EPM2A: variants seen among roughly 807,000 people sequenced by gnomAD.
EPM2A encodes EPM2A glucan phosphatase, laforin, also known as laforin.
A neutral mutation model predicts 26.5 loss-of-function variants in EPM2A; 21 were observed. The ratio of observed to expected loss-of-function variants is 0.79; its 90% CI spans 0.56 to 1.14. The LOEUF is 1.14. EPM2A is among the 50% of genes most tolerant of loss of function. The pLI is 0.00. For missense variants in EPM2A, 458 were observed against 440.8 expected (o/e 1.04, Z -0.35); for synonymous variants, 217 against 177.6 (o/e 1.22, Z -1.76).
At chr6:145,725,983 G>C (rs1776186283) in intron 1 of EPM2A, among the ~76,000 whole-genome samples, 1 of 151,878 alleles carries the variant, frequency 6.6e-6, no homozygotes, top group African/African-American at 2.4e-5. Flanking sequence ...TATCCCAGAA[G>C]GAAGAGGCAC....
At chr6:145,491,170 A>C in intron 4 of EPM2A, 1 of 508,002 alleles carries the variant, frequency 2.0e-6, no homozygotes, top group Non-Finnish European at 3.8e-6. Context: ...CCTGACTTCA[A>C]GGGCTTTCAT....
In EPM2A at chr6:145,464,650, T is replaced by C. The variant is rs1020316336; in HGVS notation, c.555+37872A>G. Among the ~76,000 whole-genome samples, 76 of 152,186 alleles carry C rather than the reference T, an allele frequency of 5.0e-4. 1 individual carries two copies. The highest frequency in any genetic ancestry group is 7.3e-5 in the Non-Finnish European group (5 of 68,030). ...AATTTATGGTCCCTATGAATTGTGG[T>C]AAATAATCTTTTGACAGTTACATGT... is the stretch of plus-strand genomic sequence containing the variant. On this transcript the variant is annotated intron_variant, in intron 4 of 4. Coordinates refer to the EPM2A transcript ENST00000638717.
At chr6:145,533,305 T>C (rs1290457713) in intron 2 of EPM2A, among the ~76,000 whole-genome samples, 1 of 152,144 alleles carries the variant, frequency 6.6e-6, no homozygotes, top group African/African-American at 2.4e-5. Context: ...ATTGCCATCT[T>C]TCACCTAGAC....
rs772365112 is a variant in EPM2A at position 145,625,776 on chromosome 6, C to T, written c.*1640G>A. 2.5e-5 allele frequency: 33 copies of T among 1,328,672 alleles called. 1 individual carries two copies. The Admixed American group carries it at 4.0e-4, about 16-fold the overall frequency. The allele number at this position is 1,328,672 out of a possible 1,614,324, so 82.3% of individuals were successfully genotyped here. On this transcript the variant is annotated 3_prime_UTR_variant, in exon 4 of 4. Transcript: ENST00000367519. ...CCTAAGTGCCACAGTTCTATCTCCC[C>T]GTCCTCTGAGCTCCACTGAAACTTA...
At chr6:145,502,897 C>T (rs1481631701) in intron 2 of EPM2A, among the ~76,000 whole-genome samples, 2 of 152,138 alleles carry the variant, frequency 1.3e-5, no homozygotes, top group African/African-American at 4.8e-5. Context: ...AATGCAGATT[C>T]ATAATATTCA....
At chr6:145,530,172 A>G (rs2114782658) in intron 2 of EPM2A, among the ~76,000 whole-genome samples, 1 of 152,284 alleles carries the variant, frequency 6.6e-6, no homozygotes, top group South Asian at 2.1e-4. Context: ...CACCTCCAAC[A>G]GAGGCCACCC....
chr6:145,463,016 T>C (rs1779345438), intron 4 of EPM2A, among the ~76,000 whole-genome samples: 1 of 152,146 alleles, frequency 6.6e-6, no homozygotes, highest in Admixed American at 6.6e-5. Flanking sequence ...TTTAGTTATA[T>C]AAAAAACATT....
chr6:145,497,456 A>C (rs2114747261), downstream of EPM2A, among the ~76,000 whole-genome samples: 1 of 152,288 alleles, frequency 6.6e-6, no homozygotes, highest in South Asian at 2.1e-4. Context: ...TGCCAGCCCA[A>C]ATGCACCTGC....
intron 4 of EPM2A, among the ~76,000 whole-genome samples, chr6:145,435,076 G>C (rs143868063): frequency 1.3e-5 from 2 of 152,130 alleles, no homozygotes; most frequent in Non-Finnish European, 1.5e-5. Context: ...AAGCCAGGCC[G>C]ATACTGGCCC....
intron 2 of EPM2A, among the ~76,000 whole-genome samples, chr6:145,597,476 TC>T (rs71906745): frequency 0.033 from 3,822 of 117,074 alleles, 119 homozygotes; most frequent in East Asian, 0.093. Context: ...TATTTTTTTT[TC>T]TTTTTTTTGG....
intron 2 of EPM2A, among the ~76,000 whole-genome samples, chr6:145,662,366 C>T (rs888904873): frequency 9.9e-5 from 15 of 152,060 alleles, no homozygotes; most frequent in Non-Finnish European, 4.4e-5. Flanking sequence ...AATTTTCTTT[C>T]CTGATTGATC....
At chr6:145,623,200 T>C (rs1775674168), downstream of EPM2A, among the ~76,000 whole-genome samples, 1 of 152,238 alleles carries the variant, frequency 6.6e-6, no homozygotes, top group Non-Finnish European at 1.5e-5. Context: ...GCCTTTATAA[T>C]GCAGTGAAGC....
intron 4 of EPM2A, chr6:145,463,548 A>C (rs1255687365): frequency 6.7e-6 from 1 of 150,120 alleles, no homozygotes; most frequent in Non-Finnish European, 1.5e-5. Flanking sequence ...CTAATATCAC[A>C]ATTTACTTTT....
chr6:145,728,354 C>T (rs6921110), intron 1 of EPM2A, among the ~76,000 whole-genome samples: 10,144 of 152,204 alleles, frequency 0.067, 1,135 homozygotes, highest in African/African-American at 0.23. Flanking sequence ...AAGTTTGGAA[C>T]TTCCTGGAGA....
intron 4 of EPM2A, among the ~76,000 whole-genome samples, chr6:145,435,302 TG>T (rs1341691964): frequency 6.6e-6 from 1 of 151,754 alleles, no homozygotes; most frequent in Non-Finnish European, 1.5e-5. Flanking sequence ...TATTTTCACA[TG>T]AGAAGATAAA....
intron 4 of EPM2A, among the ~76,000 whole-genome samples, chr6:145,436,523 A>G (rs1193323621): frequency 6.6e-6 from 1 of 151,914 alleles, no homozygotes; most frequent in Non-Finnish European, 1.5e-5. Context: ...TATCTTTTTT[A>G]CTGTTAACAT....
intron 4 of EPM2A, among the ~76,000 whole-genome samples, chr6:145,475,258 C>T (rs777561467): frequency 5.3e-5 from 8 of 152,128 alleles, no homozygotes; most frequent in Non-Finnish European, 1.0e-4. Context: ...AAATGTGGCA[C>T]ATATACACCA....
chr6:145,587,728 A>G (rs1271204101), intron 2 of EPM2A, among the ~76,000 whole-genome samples: 1 of 152,224 alleles, frequency 6.6e-6, no homozygotes, highest in African/African-American at 2.4e-5. Flanking sequence ...ACTGAGCAGA[A>G]TTTTCACTTA....
rs7771112 is a variant in EPM2A at position 145,735,513 on chromosome 6, G to T, written c.-15C>A. 16,364 of 1,183,262 alleles carry T rather than the reference G, an allele frequency of 0.014. 1,765 individuals carry two copies. The African/African-American group carries it at 0.23, about 17-fold the overall frequency. The allele number at this position is 1,183,262 out of a possible 1,614,324, so 73.3% of individuals were successfully genotyped here. Reference sequence around the variant, plus strand: ...CGGAAGCGCATGGCGGGCGGCGGCGGCGCGAATACCCGGGCCCGGAGTCCC... The same window carrying T: ...CGGAAGCGCATGGCGGGCGGCGGCGTCGCGAATACCCGGGCCCGGAGTCCC... On this transcript the variant is annotated 5_prime_UTR_variant, in exon 1 of 4. Coordinates refer to ENST00000367519, the MANE Select transcript of EPM2A (RefSeq NM_005670.4).
Sources: gnomAD v4.1 joint callset for allele counts (sites outside exome capture counted in the v4.1 genomes callset) on GRCh38, gnomAD v4.1.1 for gene constraint, MANE v1.5 for transcripts, NCBI Gene and HGNC (gene_info 2026-07-23, HGNC 2026-07-21) for gene names.